The following PLD5 variants were observed in gnomAD, a reference collection of about 807,000 sequenced individuals.
The protein encoded by PLD5 is phospholipase D family member 5, also known as inactive phospholipase D5.
A neutral mutation model predicts 61.1 loss-of-function variants in PLD5; 36 were observed. The observed-to-expected ratio is 0.59, with a 90% CI of 0.45 to 0.78. PLD5 has a LOEUF of 0.78. Ranked by LOEUF, PLD5 falls within the 30% of genes least tolerant of loss-of-function variation. The pLI is 0.00. For synonymous variants in PLD5, 243 were observed against 242.8 expected (o/e 1.00, Z -0.01); for missense variants, 515 against 644.4 (o/e 0.80, Z 2.17).
At chr1:242,197,902 G>A (rs1348764299) in intron 5 of PLD5, among the ~76,000 whole-genome samples, 1 of 152,074 alleles carries the variant, frequency 6.6e-6, no homozygotes, top group Non-Finnish European at 1.5e-5. Flanking sequence ...CCAAAGTGCT[G>A]GGATTACAGG....
At chr1:242,392,480 G>A (rs905707831) in intron 1 of PLD5, among the ~76,000 whole-genome samples, 11 of 152,164 alleles carry the variant, frequency 7.2e-5, no homozygotes, top group African/African-American at 1.2e-4. Flanking sequence ...TGATGGTGCC[G>A]ACTGTGGCTT....
At chr1:242,338,662 T>C (rs1278728905) in intron 2 of PLD5, among the ~76,000 whole-genome samples, 1 of 152,222 alleles carries the variant, frequency 6.6e-6, no homozygotes, top group Non-Finnish European at 1.5e-5. Flanking sequence ...AAATATTAAA[T>C]GCTAAAGATG....
At chr1:242,182,016 A>G (rs1667551754) in intron 5 of PLD5, among the ~76,000 whole-genome samples, 1 of 152,210 alleles carries the variant, frequency 6.6e-6, no homozygotes, top group African/African-American at 2.4e-5. Context: ...CACAGTCTAT[A>G]CAATCTTCTT....
intron 1 of PLD5, among the ~76,000 whole-genome samples, chr1:242,465,504 C>T (rs2102942480): frequency 6.6e-6 from 1 of 152,316 alleles, no homozygotes; most frequent in Admixed American, 6.5e-5. Flanking sequence ...TAACAATGGC[C>T]CAGGAGGCTC....
chr1:242,487,126 G>A (rs963960121), intron 1 of PLD5, among the ~76,000 whole-genome samples: 2 of 152,152 alleles, frequency 1.3e-5, no homozygotes, highest in South Asian at 2.1e-4. Flanking sequence ...ACGAGTTAAT[G>A]GGTGCAGCAC....
chr1:242,470,234 C>T (rs1019290244), intron 1 of PLD5, among the ~76,000 whole-genome samples: 1 of 151,738 alleles, frequency 6.6e-6, no homozygotes, highest in African/African-American at 2.4e-5. Flanking sequence ...CCCAGCTACT[C>T]GGGAGGCTGA....
At position 242,172,612 on chromosome 1, in the gene PLD5, C is replaced by A. The variant is rs181637292; in HGVS notation, c.735+47376G>T. ...GGAGCTGGATTTTTGAAAAGATCAA[C>A]AAAATAGATAGACTTCTAGCCAAAC... On this transcript the variant is annotated intron_variant, in intron 5 of 9. Transcript: ENST00000536534. Among the ~76,000 whole-genome samples, 1,001 of 152,080 alleles carry A rather than the reference C, an allele frequency of 6.6e-3. 11 individuals carry two copies. Among genetic ancestry groups the A allele is most frequent in the African/African-American group, 0.023 (958 of 41,496 alleles).
At chr1:242,495,279 C>T (rs1668334553) in intron 1 of PLD5, among the ~76,000 whole-genome samples, 2 of 152,120 alleles carry the variant, frequency 1.3e-5, no homozygotes, top group African/African-American at 4.8e-5. Flanking sequence ...CACCAGTTTC[C>T]AGCACCCAAG....
chr1:242,271,179 T>TACACACACACACACACAC (rs375177006), intron 3 of PLD5, among the ~76,000 whole-genome samples: 1 of 95,752 alleles, frequency 1.0e-5, no homozygotes, highest in African/African-American at 4.6e-5. Context: ...CATGTGCATG[T>TACACACACACACACACAC]ACACACACAC....
chr1:242,438,057 A>G (rs1666085666), intron 1 of PLD5, among the ~76,000 whole-genome samples: 1 of 152,064 alleles, frequency 6.6e-6, no homozygotes, highest in South Asian at 2.1e-4. Context: ...CATTTATTCC[A>G]TTGGTTGCAA....
intron 5 of PLD5, among the ~76,000 whole-genome samples, chr1:242,216,641 G>A (rs1670214002): frequency 6.6e-6 from 1 of 152,128 alleles, no homozygotes; most frequent in African/African-American, 2.4e-5. Flanking sequence ...GACTGTTCAG[G>A]GCCACGACTC....
intron 3 of PLD5, among the ~76,000 whole-genome samples, chr1:242,269,797 C>T (rs191723590): frequency 5.3e-5 from 8 of 152,068 alleles, no homozygotes; most frequent in South Asian, 4.2e-4. Context: ...CTCCAGGAGT[C>T]GCTCTCTTCC....
intron 5 of PLD5, among the ~76,000 whole-genome samples, chr1:242,131,723 A>G (rs1219047934): frequency 1.3e-5 from 2 of 152,068 alleles, no homozygotes; most frequent in East Asian, 1.9e-4. Flanking sequence ...GCCAGGTCCT[A>G]CTTGCCATGT....
intron 4 of PLD5, among the ~76,000 whole-genome samples, chr1:242,242,553 A>G (rs1406102323): frequency 2.0e-5 from 3 of 152,150 alleles, no homozygotes; most frequent in Non-Finnish European, 4.4e-5. Flanking sequence ...CGCATGGGGC[A>G]CTCTGTCAAG....
At chr1:242,157,591 C>T (rs1186704786) in intron 5 of PLD5, among the ~76,000 whole-genome samples, 1 of 152,224 alleles carries the variant, frequency 6.6e-6, no homozygotes, top group East Asian at 1.9e-4. Flanking sequence ...TAACAGGCCC[C>T]TCTGCTGCAG....
chr1:242,105,099 A>G (rs1660943264), intron 8 of PLD5, among the ~76,000 whole-genome samples: 1 of 152,206 alleles, frequency 6.6e-6, no homozygotes, highest in Non-Finnish European at 1.5e-5. Context: ...ATACAGTGAC[A>G]AACTATTTGG....
At chr1:242,126,059 A>G (rs1161096159) in intron 5 of PLD5, among the ~76,000 whole-genome samples, 1 of 152,196 alleles carries the variant, frequency 6.6e-6, no homozygotes, top group African/African-American at 2.4e-5. Context: ...TTAGCGGTTA[A>G]GTGAAAGGAG....
intron 3 of PLD5, among the ~76,000 whole-genome samples, chr1:242,278,191 C>A (rs747063174): frequency 1.1e-4 from 16 of 151,452 alleles, no homozygotes; most frequent in Non-Finnish European, 2.4e-4. Context: ...CTGACCTATT[C>A]GAGTGAAAGT....
chr1:242,420,741 G>A (rs1003868423), intron 1 of PLD5, among the ~76,000 whole-genome samples: 1 of 152,116 alleles, frequency 6.6e-6, no homozygotes, highest in Non-Finnish European at 1.5e-5. Flanking sequence ...CTACTGGCAT[G>A]AATGCAGTGG....
Sources: allele counts gnomAD v4.1 joint callset (sites outside exome capture counted in the v4.1 genomes callset), GRCh38; gene constraint gnomAD v4.1.1; transcripts MANE v1.5; gene names NCBI Gene and HGNC (gene_info 2026-07-23, HGNC 2026-07-21).